ATP2B2: variants seen among roughly 807,000 people sequenced by gnomAD.
ATP2B2 encodes the protein ATPase plasma membrane Ca2+ transporting 2, also known as plasma membrane calcium-transporting ATPase 2.
Under a neutral mutation model 120.0 loss-of-function variants are expected in ATP2B2, and 15 were observed. The ratio of observed to expected loss-of-function variants is 0.12; its 90% CI spans 0.08 to 0.19. The LOEUF (loss-of-function observed/expected upper bound fraction) is 0.19, where lower values mean the gene tolerates loss of function less well. Ranked by LOEUF, ATP2B2 falls within the 10% of genes least tolerant of loss-of-function variation. The pLI, the probability that ATP2B2 is intolerant of heterozygous loss-of-function variation, is 1.00. For synonymous variants in ATP2B2, 694 were observed against 700.3 expected (o/e 0.99, Z 0.14); for missense variants, 1,045 against 1,719.8 (o/e 0.61, Z 6.94).
At chr3:10,361,629 G>A (rs750713132) in intron 12 of ATP2B2, among the ~76,000 whole-genome samples, 8 of 152,192 alleles carry the variant, frequency 5.3e-5, no homozygotes, top group Non-Finnish European at 8.8e-5. Flanking sequence ...GCCCGAACAC[G>A]GGCTGTTTCA....
intron 1 of ATP2B2, among the ~76,000 whole-genome samples, chr3:10,474,187 G>A (rs2065119813): frequency 6.6e-6 from 1 of 152,128 alleles, no homozygotes; most frequent in South Asian, 2.1e-4. Context: ...GAGGGCGAGT[G>A]GATGGTGGCA....
intron 16 of ATP2B2, 148 bp downstream of exon 16, chr3:10,349,964 G>C: frequency 1.3e-6 from 1 of 761,866 alleles, no homozygotes. Flanking sequence ...GCTGAAAAGG[G>C]GGTGACATAA....
chr3:10,535,436 T>C (rs2067294676), intron 2 of ATP2B2, among the ~76,000 whole-genome samples: 1 of 151,936 alleles, frequency 6.6e-6, no homozygotes, highest in African/African-American at 2.4e-5. Flanking sequence ...TGAAATGTTA[T>C]CTGTAGTTTT....
intron 3 of ATP2B2, among the ~76,000 whole-genome samples, chr3:10,516,765 CGTG>C (rs1249699086): frequency 6.6e-6 from 1 of 152,232 alleles, no homozygotes; most frequent in African/African-American, 2.4e-5. Flanking sequence ...TGCCAGGTGC[CGTG>C]CCCACAGCCT....
intron 1 of ATP2B2, among the ~76,000 whole-genome samples, chr3:10,505,166 G>A (rs929543434): frequency 2.0e-5 from 3 of 152,040 alleles, no homozygotes; most frequent in African/African-American, 7.2e-5. Context: ...CTGAGACCCT[G>A]GGCATCCGCT....
At chr3:10,645,106 AAAAG>A (rs1210964391) in intron 1 of ATP2B2, among the ~76,000 whole-genome samples, 1 of 152,106 alleles carries the variant, frequency 6.6e-6, no homozygotes, top group Non-Finnish European at 1.5e-5. Context: ...GGTGGGGGAG[AAAAG>A]AGAGAGAGAG....
chr3:10,584,939 G>A (rs970257981), intron 2 of ATP2B2, among the ~76,000 whole-genome samples: 39 of 152,298 alleles, frequency 2.6e-4, no homozygotes, highest in African/African-American at 9.1e-4. Flanking sequence ...AGACCCCTCT[G>A]TTTCTGCATG....
intron 2 of ATP2B2, among the ~76,000 whole-genome samples, chr3:10,603,131 C>T (rs1021393528): frequency 1.3e-5 from 2 of 152,210 alleles, no homozygotes; most frequent in African/African-American, 4.8e-5. Flanking sequence ...CCTGGTGACC[C>T]CGGCCCTCTT....
rs892825467 is a variant in ATP2B2, at chr3:10,548,849, C to T, written c.-414-14716G>A. On this transcript the variant is annotated intron_variant, in intron 2 of 21. Coordinates refer to the ATP2B2 transcript ENST00000646379. ...AGAGTAGAGAAAATGACTTTCCCAG[C>T]GTAACATGGAAAGCTCATATTTGAA... 5.3e-5 allele frequency among the ~76,000 whole-genome samples: 8 copies of T among 152,282 alleles called. 2 individuals carry two copies. The highest frequency in any genetic ancestry group is 3.9e-4 in the Admixed American group (6 of 15,294).
intron 2 of ATP2B2, among the ~76,000 whole-genome samples, chr3:10,438,605 G>T (rs1273228178): frequency 6.6e-6 from 1 of 152,270 alleles, no homozygotes; most frequent in South Asian, 2.1e-4. Context: ...AATAACTCTG[G>T]GTCTGAAACC....
At chr3:10,557,281 C>T (rs769663062) in intron 2 of ATP2B2, among the ~76,000 whole-genome samples, 31 of 152,192 alleles carry the variant, frequency 2.0e-4, no homozygotes, top group Non-Finnish European at 7.3e-5. Context: ...AGTAGGCAGA[C>T]GCTTGGGAAG....
At chr3:10,412,052 T>C (rs547760258) in intron 2 of ATP2B2, among the ~76,000 whole-genome samples, 2 of 152,378 alleles carry the variant, frequency 1.3e-5, no homozygotes, top group South Asian at 4.1e-4. Flanking sequence ...CCCTCTCTTC[T>C]GACCCGCAAC....
At chr3:10,491,204 T>G (rs1468910779) in intron 1 of ATP2B2, among the ~76,000 whole-genome samples, 2 of 151,120 alleles carry the variant, frequency 1.3e-5, no homozygotes, top group African/African-American at 4.9e-5. Flanking sequence ...GCACTGCACA[T>G]GTGCTGGCTC....
intron 1 of ATP2B2, among the ~76,000 whole-genome samples, chr3:10,469,803 C>T (rs1169673672): frequency 6.6e-6 from 1 of 152,148 alleles, no homozygotes; most frequent in Non-Finnish European, 1.5e-5. Flanking sequence ...CTGGGCTAGC[C>T]AGGCAAAGAT....
intron 1 of ATP2B2, among the ~76,000 whole-genome samples, chr3:10,625,786 A>G (rs1381126565): frequency 6.6e-6 from 1 of 152,208 alleles, no homozygotes; most frequent in Non-Finnish European, 1.5e-5. Flanking sequence ...ACACCTCTCC[A>G]AGGAGAAAGT....
chr3:10,561,321 C>A (rs932090627), intron 2 of ATP2B2, among the ~76,000 whole-genome samples: 2 of 152,070 alleles, frequency 1.3e-5, no homozygotes, highest in Admixed American at 6.5e-5. Context: ...CAGAGTGGGA[C>A]GAGGTGGGGC....
At chr3:10,632,830 GC>G (rs1411253537) in intron 1 of ATP2B2, among the ~76,000 whole-genome samples, 1 of 152,232 alleles carries the variant, frequency 6.6e-6, no homozygotes, top group African/African-American at 2.4e-5. Context: ...TGTGGTGACA[GC>G]CCCGGAATAG....
At chr3:10,662,288 A>G (rs1354121526) in intron 1 of ATP2B2, among the ~76,000 whole-genome samples, 2 of 152,008 alleles carry the variant, frequency 1.3e-5, no homozygotes, top group African/African-American at 4.8e-5. Context: ...AGAAACTACC[A>G]TCAGAGTGAA....
chr3:10,442,760 G>A (rs889518460), intron 2 of ATP2B2, among the ~76,000 whole-genome samples: 2 of 152,092 alleles, frequency 1.3e-5, no homozygotes, highest in African/African-American at 4.8e-5. Context: ...AAAACCCAAC[G>A]TCTCCCTTGA....
Sources: gnomAD v4.1 joint callset for allele counts (sites outside exome capture counted in the v4.1 genomes callset) on GRCh38, gnomAD v4.1.1 for gene constraint, MANE v1.5 for transcripts, NCBI Gene and HGNC (gene_info 2026-07-23, HGNC 2026-07-21) for gene names.